Variants in CNTN1 observed in about 807,000 individuals in gnomAD.
CNTN1 encodes contactin 1, also known as contactin-1.
CNTN1 carries 38 observed loss-of-function variants against 126.4 expected under a neutral mutation model. The observed-to-expected ratio is 0.30, with a 90% CI of 0.23 to 0.39. The LOEUF (loss-of-function observed/expected upper bound fraction) is 0.39. Among genes scored for constraint, CNTN1 ranks in the 10% least tolerant of loss-of-function variants. The pLI is 1.00. For missense variants in CNTN1, 1,009 were observed against 1,248.4 expected (o/e 0.81, Z 2.89); for synonymous variants, 413 against 422.6 (o/e 0.98, Z 0.28).
intron 1 of CNTN1, among the ~76,000 whole-genome samples, chr12:40,713,741 A>G (rs564807942): frequency 2.6e-5 from 4 of 152,232 alleles, no homozygotes; most frequent in East Asian, 3.9e-4. Flanking sequence ...GGAACTCTAT[A>G]TGTTCCCAAT....
In CNTN1 at chr12:41,071,814, T is replaced by C. The variant is rs1950164050; in HGVS notation, c.*1779T>C. On this transcript the variant is annotated 3_prime_UTR_variant, in exon 24 of 24. Coordinates refer to ENST00000551295, the MANE Select transcript of CNTN1 (RefSeq NM_001843.4). ...ACTTTAGGGAAACGAATACCCTGTA[T>C]ACCTTCTGTACAAATGTTTGTGTTT... 6.6e-6 allele frequency: 1 copy of C among 152,220 alleles called. No homozygotes were observed. Among genetic ancestry groups the C allele is most frequent in the African/African-American group, 2.4e-5 (1 of 41,476 alleles). The allele number at this position is 152,220 out of a possible 1,614,324, so 9.4% of individuals were successfully genotyped here.
At chr12:40,726,854 ATGT>A (rs200461408) in intron 1 of CNTN1, among the ~76,000 whole-genome samples, 30,582 of 151,606 alleles carry the variant, frequency 0.2, 3,214 homozygotes, top group Middle Eastern at 0.28. Context: ...AATTTTCATA[ATGT>A]ATATTTTCTC....
intron 9 of CNTN1, among the ~76,000 whole-genome samples, chr12:40,936,196 T>A (rs990137582): frequency 6.6e-6 from 1 of 152,120 alleles, no homozygotes; most frequent in African/African-American, 2.4e-5. Flanking sequence ...AGAATGAGAC[T>A]GAGATCAATT....
intron 1 of CNTN1, among the ~76,000 whole-genome samples, chr12:40,811,095 G>A (rs1337096450): frequency 1.3e-5 from 2 of 152,178 alleles, no homozygotes; most frequent in African/African-American, 4.8e-5. Context: ...CACTTAGGTT[G>A]TGTTCATTAC....
Position 41,020,343 on chromosome 12 carries a change from G to C in CNTN1, c.2426G>C (p.Ser809Thr), listed in dbSNP as rs537681547. The change falls in exon 20 of 24, where the codon AGT (serine) becomes ACT (threonine). Residue 809 changes from serine to threonine, a missense_variant. Transcript: ENST00000551295. ...AVINSAQDAP[S>T]EAPTEVGVKV... ...TGTTCTCATAAAATTTCAGCTCCCA[G>C]TGAAGCCCCAACAGAAGTAGGTGTA... The C allele has an allele frequency of 3.1e-5, 50 of 1,608,696 alleles. 1 individual carries two copies. In the South Asian group the frequency reaches 5.2e-4, roughly 17 times the overall value.
intron 1 of CNTN1, chr12:40,729,231 C>G (rs942933217): frequency 5.4e-6 from 1 of 184,120 alleles, no homozygotes; most frequent in African/African-American, 2.3e-5. Context: ...ATCTAAGCTG[C>G]TAGAGAAGTG....
intron 17 of CNTN1, among the ~76,000 whole-genome samples, chr12:41,009,251 C>T (rs1438636421): frequency 6.6e-6 from 1 of 152,186 alleles, no homozygotes; most frequent in Non-Finnish European, 1.5e-5. Context: ...GTGGAACCCT[C>T]TGATAGTAGG....
Position 41,054,496 on chromosome 12 carries a change from A to G in CNTN1, c.2981-15463A>G, listed in dbSNP as rs560411351. ...CTGCTTTAGCAAAGAGAGAAATGGT[A>G]ATTCTCTCCTCATTTTAAACATAAA... is the stretch of plus-strand genomic sequence containing the variant. On this transcript the variant is annotated intron_variant, in intron 23 of 23. Transcript: ENST00000551295. Among the ~76,000 whole-genome samples, 8 of 152,144 alleles carry G rather than the reference A, an allele frequency of 5.3e-5. No homozygotes were observed. The East Asian group carries it at 1.5e-3, about 29-fold the overall frequency.
rs571885319 is a variant in CNTN1 at position 41,017,278 on chromosome 12, C to T, written c.2419+362C>T. On this transcript the variant is annotated intron_variant, in intron 19 of 23. Transcript: ENST00000551295. ...TATTCATAAAGTTTATAATTTAAAA[C>T]TTCTATAATATGGCCGGGCGTGGTG... is the stretch of plus-strand genomic sequence containing the variant. Among the ~76,000 whole-genome samples the T allele has an allele frequency of 3.4e-3, 518 of 150,968 alleles. 2 individuals are homozygous for T. The highest frequency in any genetic ancestry group is 8.4e-3 in the African/African-American group (345 of 41,036).
chr12:41,069,473 A>G (rs1016252459), intron 23 of CNTN1, among the ~76,000 whole-genome samples: 4 of 152,040 alleles, frequency 2.6e-5, no homozygotes, highest in Non-Finnish European at 4.4e-5. Context: ...TTTAGGGTAC[A>G]TGTGCACAAT....
intron 1 of CNTN1, among the ~76,000 whole-genome samples, chr12:40,895,728 A>G (rs1211348719): frequency 1.3e-5 from 2 of 150,870 alleles, no homozygotes; most frequent in African/African-American, 4.9e-5. Context: ...AATGTTAACC[A>G]TTTAATAGTA....
At chr12:40,838,029 C>T (rs1024451596) in intron 1 of CNTN1, among the ~76,000 whole-genome samples, 6 of 152,164 alleles carry the variant, frequency 3.9e-5, no homozygotes, top group African/African-American at 1.2e-4. Flanking sequence ...GCACCTGGCA[C>T]CTGAGGATTA....
intron 15 of CNTN1, among the ~76,000 whole-genome samples, chr12:40,960,879 A>G (rs1028285890): frequency 6.6e-6 from 1 of 152,082 alleles, no homozygotes; most frequent in Non-Finnish European, 1.5e-5. Context: ...GCATATGAAA[A>G]TAATTAGCAT....
intron 14 of CNTN1, among the ~76,000 whole-genome samples, chr12:40,957,160 G>T (rs1946915696): frequency 6.6e-6 from 1 of 151,714 alleles, no homozygotes; most frequent in African/African-American, 2.4e-5. Flanking sequence ...AGTAAGAAAT[G>T]AAGAAATGGA....
rs1178761088 is a variant in CNTN1, at chr12:40,937,559, A to G, written c.1111-11A>G. 6.7e-7 allele frequency: 1 copy of G among 1,494,232 alleles called. No homozygotes were observed. 92.6% of individuals were successfully genotyped at this position (1,494,232 alleles called of 1,614,324 possible). ...TTCATTGAGAATATGTTTCAATTTT[A>G]TTCTTTTCAGTATCATAAAGGGGAA... On this transcript the variant is annotated splice_polypyrimidine_tract_variant and intron_variant, in intron 10 of 23. Transcript: ENST00000551295.
chr12:41,013,318 C>T (rs947212908), intron 17 of CNTN1, among the ~76,000 whole-genome samples: 4 of 152,112 alleles, frequency 2.6e-5, no homozygotes, highest in Non-Finnish European at 5.9e-5. Flanking sequence ...TTCCTGCCGG[C>T]ATTCACCCGT....
chr12:40,955,108 G>A (rs552261622), intron 14 of CNTN1, among the ~76,000 whole-genome samples: 19 of 152,044 alleles, frequency 1.2e-4, no homozygotes, highest in African/African-American at 3.6e-4. Context: ...GAAATCACAT[G>A]GTTGGATTTT....
At chr12:40,830,791 G>GTATATATA (rs10592423) in intron 1 of CNTN1, among the ~76,000 whole-genome samples, 2 of 75,818 alleles carry the variant, frequency 2.6e-5, no homozygotes, top group Non-Finnish European at 5.0e-5. Flanking sequence ...AAAGTATAGT[G>GTATATATA]TATATATATA....
chr12:40,989,421 C>T (rs1010142834), intron 16 of CNTN1, among the ~76,000 whole-genome samples: 4 of 151,994 alleles, frequency 2.6e-5, no homozygotes, highest in Non-Finnish European at 5.9e-5. Context: ...AAGGAAGAGG[C>T]CTTAAGAAGA....
Sources: gnomAD v4.1 joint callset for allele counts (sites outside exome capture counted in the v4.1 genomes callset) on GRCh38, gnomAD v4.1.1 for gene constraint, MANE v1.5 for transcripts, NCBI Gene and HGNC (gene_info 2026-07-23, HGNC 2026-07-21) for gene names.